PKD1L1: variants seen among roughly 807,000 people sequenced by gnomAD.
PKD1L1 encodes polycystin-1-like protein 1.
A neutral mutation model predicts 323.4 loss-of-function variants in PKD1L1; 236 were observed. That is an observed-to-expected ratio of 0.73 (90% CI 0.66 to 0.81). PKD1L1 has a LOEUF of 0.81. Among genes scored for constraint, PKD1L1 ranks in the 40% least tolerant of loss-of-function variants. The probability of loss-of-function intolerance (pLI) is 0.00; values close to 1 mark genes in which losing one functional copy is unlikely to be tolerated. For missense variants in PKD1L1, 3,320 were observed against 3,508.0 expected (o/e 0.95, Z 1.35); for synonymous variants, 1,344 against 1,335.0 (o/e 1.01, Z -0.15).
chr7:47,852,431 T>C (rs1398512224), intron 31 of PKD1L1, among the ~76,000 whole-genome samples: 1 of 152,208 alleles, frequency 6.6e-6, no homozygotes, highest in Non-Finnish European at 1.5e-5. Context: ...AAAATAACTA[T>C]ATCCCAGTAA....
intron 31 of PKD1L1, among the ~76,000 whole-genome samples, chr7:47,851,932 T>A (rs972629149): frequency 3.3e-5 from 5 of 152,182 alleles, no homozygotes; most frequent in African/African-American, 9.7e-5. Context: ...CTACTTCTGA[T>A]TAAAAAATAT....
chr7:47,927,829 A>G (rs779684542), intron 7 of PKD1L1, among the ~76,000 whole-genome samples: 66 of 152,266 alleles, frequency 4.3e-4, no homozygotes, highest in Non-Finnish European at 7.6e-4. Flanking sequence ...ATAGCATTTG[A>G]GGCAATAATC....
intron 15 of PKD1L1, among the ~76,000 whole-genome samples, chr7:47,893,124 G>C (rs1219217411): frequency 6.6e-6 from 1 of 151,518 alleles, no homozygotes; most frequent in African/African-American, 2.4e-5. Context: ...CAGCTACTCA[G>C]GAGGCTGAGG....
chr7:47,936,887 T>C lies in PKD1L1; in HGVS notation c.357A>G (p.Glu119=), dbSNP rs1171831638. Residue 119 remains glutamate (E), a synonymous_variant, in exon 4 of 57, where the codon GAA becomes GAG. Transcript: ENST00000289672. ...VNEKTQAVVN[E]KTQAPLDCDN... ...CACAATCCAGAGGCGCCTGTGTTTT[T>C]TCATTAACAACAGCCTGTGTTTTTT... 2 of 1,613,718 alleles carry C rather than the reference T, an allele frequency of 1.2e-6. No individual in the cohort carries two copies. The highest frequency in any genetic ancestry group is 2.2e-5 in the East Asian group (1 of 44,882).
chr7:47,861,175 A>G (rs1376182949), intron 26 of PKD1L1, among the ~76,000 whole-genome samples: 1 of 152,224 alleles, frequency 6.6e-6, no homozygotes, highest in East Asian at 1.9e-4. Flanking sequence ...AGCTTCTGGG[A>G]TTTCAGGGTT....
chr7:47,891,483 C>T (rs186231577), intron 15 of PKD1L1, among the ~76,000 whole-genome samples: 1 of 152,226 alleles, frequency 6.6e-6, no homozygotes, highest in Non-Finnish European at 1.5e-5. Flanking sequence ...CTGGCCCCAT[C>T]CCGCAGCCAT....
chr7:47,922,069 C>T (rs1787554843), intron 7 of PKD1L1, among the ~76,000 whole-genome samples: 1 of 152,216 alleles, frequency 6.6e-6, no homozygotes, highest in Non-Finnish European at 1.5e-5. Flanking sequence ...CGTGCTGCCA[C>T]GCCTGACTGG....
At chr7:47,836,338 G>A (rs1359549185) in intron 37 of PKD1L1, among the ~76,000 whole-genome samples, 2 of 152,146 alleles carry the variant, frequency 1.3e-5, no homozygotes, top group Admixed American at 6.5e-5. Context: ...TGGGCTGGGT[G>A]CATGAATGGC....
intron 14 of PKD1L1, among the ~76,000 whole-genome samples, chr7:47,894,566 T>G (rs975934649): frequency 1.1e-4 from 16 of 152,210 alleles, no homozygotes; most frequent in African/African-American, 3.9e-4. Flanking sequence ...ACAAGTTTGA[T>G]GCGGCCAGGC....
intron 30 of PKD1L1, among the ~76,000 whole-genome samples, chr7:47,853,782 A>C (rs34134188): frequency 0.15 from 23,239 of 150,420 alleles, 2,259 homozygotes; most frequent in East Asian, 0.41. Flanking sequence ...AAAAAAAAAA[A>C]AACACCAAAA....
chr7:47,908,231 C>T lies in PKD1L1; in HGVS notation c.1248G>A (p.Lys416=), dbSNP rs781607809. ...AFVTKGVYML[K]AVIYNEFHGT... is the part of the protein sequence containing the mutation. ...CATGAAACTCGTTATAAATAACAGCCTTGAGCATATAGACTCCTTCTGGAA... is the reference window on the plus strand; with the variant it reads ...CATGAAACTCGTTATAAATAACAGCTTTGAGCATATAGACTCCTTCTGGAA... Residue 416 remains lysine, a synonymous_variant, in exon 9 of 57, where the codon AAG becomes AAA. Transcript: ENST00000289672. 6.6e-5 allele frequency: 107 copies of T among 1,613,834 alleles called. 1 individual carries two copies. In the South Asian group the frequency reaches 1.2e-3, roughly 17 times the overall value.
At chr7:47,828,511 C>A (rs1485082815) in intron 44 of PKD1L1, among the ~76,000 whole-genome samples, 1 of 152,048 alleles carries the variant, frequency 6.6e-6, no homozygotes, top group Admixed American at 6.6e-5. Flanking sequence ...CAGGTTTGGG[C>A]CCCAGACTCC....
intron 13 of PKD1L1, among the ~76,000 whole-genome samples, chr7:47,899,369 C>T (rs549135611): frequency 2.6e-5 from 4 of 152,112 alleles, no homozygotes; most frequent in Non-Finnish European, 5.9e-5. Flanking sequence ...GATACATATA[C>T]AAAAAGCATA....
At chr7:47,906,439 CATACCAT>C (rs1210744942) in intron 9 of PKD1L1, among the ~76,000 whole-genome samples, 4 of 152,096 alleles carry the variant, frequency 2.6e-5, no homozygotes, top group African/African-American at 9.7e-5. Context: ...TACACACATA[CATACCAT>C]ATACACACCA....
intron 7 of PKD1L1, among the ~76,000 whole-genome samples, chr7:47,917,912 A>C (rs1490099031): frequency 2.0e-5 from 3 of 152,116 alleles, no homozygotes; most frequent in Non-Finnish European, 4.4e-5. Flanking sequence ...ACTACAATTA[A>C]AAAAACCCAA....
chr7:47,932,078 G>A, intron 4 of PKD1L1, 22 bp from the exon 5 acceptor site: 2 of 1,586,512 alleles, frequency 1.3e-6, no homozygotes, highest in Non-Finnish European at 1.7e-6. Flanking sequence ...GGAAAGTGCA[G>A]AAAGAAAAGG....
chr7:47,847,407 T>C (rs1253066469), intron 31 of PKD1L1, among the ~76,000 whole-genome samples: 3 of 152,034 alleles, frequency 2.0e-5, no homozygotes, highest in Non-Finnish European at 2.9e-5. Context: ...TGGAAGAGGG[T>C]TGAGTCAGTT....
chr7:47,889,544 C>G (rs894793504), intron 16 of PKD1L1, among the ~76,000 whole-genome samples: 5 of 152,146 alleles, frequency 3.3e-5, no homozygotes, highest in African/African-American at 1.2e-4. Flanking sequence ...CTCTTATCCA[C>G]TCAGCCTTAT....
chr7:47,811,539 G>A (rs1170828820), intron 50 of PKD1L1, among the ~76,000 whole-genome samples: 1 of 152,194 alleles, frequency 6.6e-6, no homozygotes, highest in East Asian at 1.9e-4. Context: ...CTAAACATCA[G>A]GCCCAATTCC....
Sources: gnomAD v4.1 joint callset for allele counts (sites outside exome capture counted in the v4.1 genomes callset) on GRCh38, gnomAD v4.1.1 for gene constraint, MANE v1.5 for transcripts, NCBI Gene and HGNC (gene_info 2026-07-23, HGNC 2026-07-21) for gene names.